Variants in TMEM145 observed in about 807,000 individuals in gnomAD.
TMEM145 encodes the protein transmembrane protein 145.
TMEM145 carries 46 observed loss-of-function variants against 68.5 expected under a neutral mutation model. The ratio of observed to expected loss-of-function variants is 0.67; its 90% CI spans 0.53 to 0.86. The LOEUF (loss-of-function observed/expected upper bound fraction) is 0.86, where lower values mean the gene tolerates loss of function less well. Among genes scored for constraint, TMEM145 ranks in the 40% least tolerant of loss-of-function variants. TMEM145 has a pLI of 0.00. For synonymous variants in TMEM145, 255 were observed against 280.2 expected, an observed-to-expected ratio of 0.91 and a Z score of 0.90; for missense variants, 570 against 645.8, an observed-to-expected ratio of 0.88 and a Z score of 1.27.
At position 42,314,510 on chromosome 19, in the gene TMEM145, G is replaced by A. The variant is rs1224030254; in HGVS notation, c.255G>A (p.Val85=). 1 of 1,614,074 alleles carries A rather than the reference G, an allele frequency of 6.2e-7. No individual in the cohort carries two copies. Among genetic ancestry groups the A allele is most frequent in the Non-Finnish European group, 8.5e-7 (1 of 1,180,034 alleles). ...ATGACCCATCCCAGTGGCCAGCCGT[G>A]TACAAGGCAGGGGACAAGGTGAGGG... is the stretch of plus-strand genomic sequence containing the variant. ...YFDDPSQWPA[V]YKAGDKDCLA... Residue 85 remains valine, a synonymous_variant, in exon 3 of 15, where the codon GTG becomes GTA. Transcript: ENST00000301204.
In TMEM145 at chr19:42,313,334, C is replaced by A; in HGVS notation, c.-43C>A. The stretch of plus-strand genomic sequence containing the variant: ...GCGCGCTCTCGCCTCCATTGCCGGG[C>A]CAGTGCGGGAGCCGGAGCGGAGCCG... On this transcript the variant is annotated 5_prime_UTR_variant, in exon 1 of 15. Transcript: ENST00000301204. The surrounding 1 kb of genome is among the most constrained non-coding windows in gnomAD (Gnocchi z 5.1). 1.3e-6 allele frequency: 1 copy of A among 787,768 alleles called. No homozygotes were observed. The highest frequency in any genetic ancestry group is 1.7e-6 in the Non-Finnish European group (1 of 585,826). The allele number at this position is 787,768 out of a possible 1,614,324, so 48.8% of individuals were successfully genotyped here. A position where few individuals can be genotyped will look rare whatever the true frequency, so the allele number is the denominator to read the frequency against.
At position 42,315,214 on chromosome 19, in the gene TMEM145, C is replaced by T. The variant is rs1468095777; in HGVS notation, c.532C>T (p.Leu178Phe). The change falls in exon 7 of 15, where the codon CTC becomes TTC. Residue 178 changes from leucine to phenylalanine, a missense_variant. Leu to Phe is a conservative substitution (Grantham distance 22). Coordinates refer to ENST00000301204, the MANE Select transcript of TMEM145 (RefSeq NM_173633.3). Reference sequence around the variant, plus strand: ...GATCCTGGAGACAGATGTGACCTTCCTCCTCATCTTCATCCTCATCTTCTT... The same window carrying T: ...GATCCTGGAGACAGATGTGACCTTCTTCCTCATCTTCATCCTCATCTTCTT... ...FGILETDVTF[L>F]LIFILIFFLS... 6.2e-7 allele frequency: 1 copy of T among 1,607,938 alleles called. No homozygotes were observed.
rs774604591 is a variant in TMEM145, at chr19:42,315,339, C to CT, written c.578-32dup. On this transcript the variant is annotated intron_variant, in intron 7 of 14. Transcript: ENST00000301204. ...GAGGTGAGCTGCTCTCCCTTTCTGC[C>CT]TGTGGACAGCCTTTCCCTACCTTGC... 8.0e-5 allele frequency: 129 copies of CT among 1,614,074 alleles called. No homozygotes were observed. The East Asian group carries it at 2.9e-3, about 36-fold the overall frequency.
chr19:42,318,180 A>C (rs1437284279), intron 12 of TMEM145, among the ~76,000 whole-genome samples: 1 of 150,860 alleles, frequency 6.6e-6, no homozygotes, highest in Non-Finnish European at 1.5e-5. Context: ...ATCCTGGCTA[A>C]CATGGTGAAA....
rs1217318237 is a variant in TMEM145, at chr19:42,324,942, G to A, written c.*125G>A. 2.3e-6 allele frequency: 3 copies of A among 1,306,848 alleles called. No individual in the cohort carries two copies. Among genetic ancestry groups the A allele is most frequent in the Admixed American group, 4.1e-5 (1 of 24,230 alleles). 81.0% of individuals were successfully genotyped at this position (1,306,848 alleles called of 1,614,324 possible). On this transcript the variant is annotated 3_prime_UTR_variant, in exon 15 of 15. Transcript: ENST00000301204. Reference sequence around the variant, plus strand: ...GACCCTGAAACCCTCCCTCGGATCTGTGACCTCGGACCCGTACTCCATCTG... The same window carrying A: ...GACCCTGAAACCCTCCCTCGGATCTATGACCTCGGACCCGTACTCCATCTG...
intron 13 of TMEM145, among the ~76,000 whole-genome samples, chr19:42,323,139 C>A (rs555663439): frequency 1.3e-5 from 2 of 152,204 alleles, no homozygotes; most frequent in Non-Finnish European, 2.9e-5. Flanking sequence ...ATTGAACTTT[C>A]TGTATTTATG....
chr19:42,324,056 A>G (rs1404419561), intron 14 of TMEM145, among the ~76,000 whole-genome samples: 5 of 145,002 alleles, frequency 3.4e-5, no homozygotes, highest in African/African-American at 1.3e-4. Context: ...GCTCTCCCCC[A>G]GCTCCCCGGC....
At chr19:42,317,653 G>C in intron 11 of TMEM145, 56 bp from the exon 12 acceptor site, 2 of 1,593,360 alleles carry the variant, frequency 1.3e-6, no homozygotes, top group Non-Finnish European at 1.7e-6. Flanking sequence ...GGGGTCCGGG[G>C]ACCCTAATAG....
At chr19:42,324,627 T>TC in intron 14 of TMEM145, 110 bp from the exon 15 acceptor site, 1 of 1,178,642 alleles carries the variant, frequency 8.5e-7, no homozygotes, top group Non-Finnish European at 1.1e-6. Flanking sequence ...TCCCCGGCCT[T>TC]CCCGACCCTT....
rs772637902 is a variant in TMEM145 at position 42,323,695 on chromosome 19, C to A, written c.1307C>A (p.Ala436Asp). The part of the protein sequence containing the change: ...GPGGSQSADK[A>D]FPQHVYGNVT... ...GGAGGGAGCCAATCCGCTGACAAGG[C>A]CTTCCCGCAGCACGTCTATGGGAAC... Residue 436 changes from alanine to aspartate, a missense_variant, in exon 14 of 15, where the codon GCC becomes GAC. Physicochemically the swap from Ala to Asp is moderately radical, Grantham distance 126. Coordinates refer to ENST00000301204, the MANE Select transcript of TMEM145 (RefSeq NM_173633.3). 2 of 1,614,208 alleles carry A rather than the reference C, an allele frequency of 1.2e-6. No individual in the cohort carries two copies. The highest frequency in any genetic ancestry group is 1.7e-6 in the Non-Finnish European group (2 of 1,180,028).
chr19:42,317,000 C>T (rs756926166), intron 11 of TMEM145, 37 bp downstream of exon 11: 10 of 1,589,358 alleles, frequency 6.3e-6, no homozygotes, highest in Non-Finnish European at 8.6e-6. Context: ...CCCTGCCTTC[C>T]CCTGCTTTTG....
At position 42,314,507 on chromosome 19, in the gene TMEM145, C is replaced by A; in HGVS notation, c.252C>A (p.Ala84=). ...LYFDDPSQWP[A]VYKAGDKDCL... is the part of the protein sequence containing the mutation. ...TTGATGACCCATCCCAGTGGCCAGC[C>A]GTGTACAAGGCAGGGGACAAGGTGA... The change falls in exon 3 of 15, where the codon GCC becomes GCA. Residue 84 remains alanine (A), a synonymous_variant. Transcript: ENST00000301204. 2.5e-6 allele frequency: 4 copies of A among 1,614,078 alleles called. No homozygotes were observed.
intron 12 of TMEM145, among the ~76,000 whole-genome samples, chr19:42,319,868 C>T (rs1295442824): frequency 6.6e-6 from 1 of 151,316 alleles, no homozygotes; most frequent in African/African-American, 2.4e-5. Flanking sequence ...CACGTGATTC[C>T]CCTGCTTCAG....
chr19:42,319,317 A>G (rs1359477510), intron 12 of TMEM145, among the ~76,000 whole-genome samples: 2 of 152,242 alleles, frequency 1.3e-5, no homozygotes, highest in Admixed American at 6.5e-5. Flanking sequence ...TATCTGCTTC[A>G]TAGAGTCACT....
chr19:42,317,059 T>A, intron 11 of TMEM145, 96 bp downstream of exon 11: 8 of 1,014,144 alleles, frequency 7.9e-6, no homozygotes, highest in Non-Finnish European at 1.2e-5. Flanking sequence ...CACATCCTGC[T>A]CCTGCTGGCT....
At chr19:42,319,815 A>G (rs1044949876) in intron 12 of TMEM145, among the ~76,000 whole-genome samples, 2 of 139,114 alleles carry the variant, frequency 1.4e-5, no homozygotes, top group Non-Finnish European at 3.0e-5. Context: ...GCTGGAGTGC[A>G]GTGGTACAAT....
intron 14 of TMEM145, chr19:42,324,333 G>A (rs1197699177): frequency 1.0e-6 from 1 of 985,024 alleles, no homozygotes; most frequent in East Asian, 1.1e-4. Flanking sequence ...CCGAGGGGCC[G>A]CGTGGTGACC....
intron 10 of TMEM145, 21 bp downstream of exon 10, chr19:42,316,761 C>T (rs892385370): frequency 1.6e-5 from 16 of 1,004,862 alleles, no homozygotes; most frequent in Non-Finnish European, 2.1e-5. Flanking sequence ...AGGGCGTGCT[C>T]GTGGGGCGGC....
chr19:42,315,362 T>C lies in TMEM145; in HGVS notation c.578-10T>C, dbSNP rs2038846263. The stretch of plus-strand genomic sequence containing the variant: ...GCCTGTGGACAGCCTTTCCCTACCT[T>C]GCTTCCTAGATTTGCTGAAAGGTCG... On this transcript the variant is annotated splice_polypyrimidine_tract_variant and intron_variant, in intron 7 of 14. Transcript: ENST00000301204. 6.2e-7 allele frequency: 1 copy of C among 1,614,036 alleles called. No homozygotes were observed. The highest frequency in any genetic ancestry group is 1.3e-5 in the African/African-American group (1 of 74,898).
Sources: allele counts gnomAD v4.1 joint callset (sites outside exome capture counted in the v4.1 genomes callset), GRCh38; gene constraint gnomAD v4.1.1; non-coding constraint Gnocchi (gnomAD v3.1); transcripts MANE v1.5; gene names NCBI Gene and HGNC (gene_info 2026-07-23, HGNC 2026-07-21).